RBFOX1: variants seen among roughly 807,000 people sequenced by gnomAD.
RBFOX1 encodes RNA binding protein fox-1 homolog 1.
In RBFOX1, 8 loss-of-function variants were observed where a neutral mutation model predicts 57.7. The observed-to-expected ratio is 0.14, with a 90% CI of 0.08 to 0.25. RBFOX1 has a LOEUF of 0.25. RBFOX1 is among the 10% of genes least tolerant of loss of function. The pLI is 1.00. For synonymous variants in RBFOX1, 326 were observed against 222.4 expected, an observed-to-expected ratio of 1.47 and a Z score of -4.15; for missense variants, 611 against 548.5, an observed-to-expected ratio of 1.11 and a Z score of -1.14.
chr16:7,025,754 G>C (rs899593983), intron 3 of RBFOX1, among the ~76,000 whole-genome samples: 1 of 152,084 alleles, frequency 6.6e-6, no homozygotes, highest in Non-Finnish European at 1.5e-5. Context: ...TGGGCGTCCC[G>C]GGGAATCCTA....
intron 2 of RBFOX1, among the ~76,000 whole-genome samples, chr16:5,533,986 T>C (rs758911678): frequency 2.6e-5 from 4 of 152,166 alleles, no homozygotes; most frequent in African/African-American, 9.7e-5. Context: ...TCGGAGGCTA[T>C]GTTGCCAGGG....
chr16:6,420,976 C>T lies in RBFOX1; in HGVS notation c.-64+103919C>T, dbSNP rs1236850171. 2.0e-5 allele frequency among the ~76,000 whole-genome samples: 3 copies of T among 152,196 alleles called. 1 individual carries two copies. The highest frequency in any genetic ancestry group is 1.3e-4 in the Admixed American group (2 of 15,278). On this transcript the variant is annotated intron_variant, in intron 2 of 15. Coordinates refer to ENST00000550418, the MANE Select transcript of RBFOX1 (RefSeq NM_018723.4). ...GAAGGGCTCTTTCTTCCAATGGCCC[C>T]TTGTTGCAGCGTGAACATCTCCCAT...
intron 1 of RBFOX1, among the ~76,000 whole-genome samples, chr16:6,291,966 TG>T (rs2077515073): frequency 1.3e-5 from 2 of 152,154 alleles, no homozygotes; most frequent in African/African-American, 4.8e-5. Flanking sequence ...TGTGTGTGTG[TG>T]TGTGTACATA....
chr16:7,542,096 T>C (rs1228611028), intron 5 of RBFOX1, among the ~76,000 whole-genome samples: 1 of 152,136 alleles, frequency 6.6e-6, no homozygotes, highest in East Asian at 1.9e-4. Flanking sequence ...CAGTTCCCTG[T>C]TAGGAATGGC....
intron 1 of RBFOX1, among the ~76,000 whole-genome samples, chr16:5,370,235 C>G (rs561684661): frequency 1.3e-5 from 2 of 152,296 alleles, no homozygotes; most frequent in African/African-American, 4.8e-5. Flanking sequence ...GGTGGGTCAG[C>G]TGTGTTCTTG....
chr16:5,792,664 G>A (rs1397114735), intron 3 of RBFOX1, among the ~76,000 whole-genome samples: 1 of 152,100 alleles, frequency 6.6e-6, no homozygotes, highest in East Asian at 1.9e-4. Flanking sequence ...CCAACGTGCT[G>A]AAACCCCGTC....
At chr16:6,391,487 G>A (rs1171263482) in intron 2 of RBFOX1, among the ~76,000 whole-genome samples, 2 of 147,164 alleles carry the variant, frequency 1.4e-5, no homozygotes, top group Admixed American at 1.4e-4. Flanking sequence ...TCCAGCCTGG[G>A]CAACAGAACA....
At chr16:6,265,531 G>C (rs1337493961) in intron 1 of RBFOX1, among the ~76,000 whole-genome samples, 2 of 152,080 alleles carry the variant, frequency 1.3e-5, no homozygotes, top group Non-Finnish European at 2.9e-5. Flanking sequence ...CAGAGTGCTG[G>C]GATTACAGGT....
At chr16:6,412,428 C>A (rs150528495) in intron 2 of RBFOX1, among the ~76,000 whole-genome samples, 3 of 152,128 alleles carry the variant, frequency 2.0e-5, no homozygotes, top group African/African-American at 4.8e-5. Context: ...TAGAGGATGC[C>A]TGTTTGTTCA....
intron 1 of RBFOX1, among the ~76,000 whole-genome samples, chr16:5,313,453 A>T (rs1269441749): frequency 6.6e-6 from 1 of 152,178 alleles, no homozygotes; most frequent in Non-Finnish European, 1.5e-5. Flanking sequence ...AACAAACAGG[A>T]TCATCTACAT....
intron 4 of RBFOX1, among the ~76,000 whole-genome samples, chr16:7,271,317 C>T (rs1267060242): frequency 6.6e-6 from 1 of 151,664 alleles, no homozygotes; most frequent in African/African-American, 2.4e-5. Flanking sequence ...AAAGACGGGC[C>T]TGGGTTGCAA....
intron 1 of RBFOX1, among the ~76,000 whole-genome samples, chr16:6,121,544 G>A (rs1293149399): frequency 6.6e-6 from 1 of 152,164 alleles, no homozygotes; most frequent in African/African-American, 2.4e-5. Flanking sequence ...TTTTTGCTGT[G>A]TCTGACTGTG....
At chr16:7,282,755 C>A (rs1232995173) in intron 4 of RBFOX1, among the ~76,000 whole-genome samples, 2 of 152,168 alleles carry the variant, frequency 1.3e-5, no homozygotes, top group African/African-American at 4.8e-5. Flanking sequence ...CCCTGAGTCC[C>A]CAAAGTCCAC....
intron 3 of RBFOX1, among the ~76,000 whole-genome samples, chr16:5,796,859 A>G (rs974694011): frequency 1.3e-5 from 2 of 152,156 alleles, no homozygotes; most frequent in African/African-American, 4.8e-5. Flanking sequence ...TGGCCCTCAC[A>G]TCATTCATCA....
intron 3 of RBFOX1, among the ~76,000 whole-genome samples, chr16:6,957,849 C>T (rs1021178385): frequency 6.6e-5 from 10 of 152,186 alleles, no homozygotes; most frequent in African/African-American, 2.2e-4. Context: ...GCCTGGACTT[C>T]CTCCTAGCGT....
intron 3 of RBFOX1, among the ~76,000 whole-genome samples, chr16:5,715,490 AC>A (rs1316696868): frequency 6.6e-6 from 1 of 152,038 alleles, no homozygotes; most frequent in Non-Finnish European, 1.5e-5. Flanking sequence ...CATCATGAAA[AC>A]TCTTAAGATG....
At chr16:7,484,565 C>G (rs987177421) in intron 4 of RBFOX1, among the ~76,000 whole-genome samples, 2 of 152,176 alleles carry the variant, frequency 1.3e-5, no homozygotes, top group African/African-American at 4.8e-5. Context: ...TGAGTTCAAG[C>G]AATTCTCCTA....
chr16:6,300,564 G>C (rs996104661), intron 1 of RBFOX1, among the ~76,000 whole-genome samples: 1 of 152,160 alleles, frequency 6.6e-6, no homozygotes, highest in Non-Finnish European at 1.5e-5. Flanking sequence ...CATTAAATTC[G>C]TACTGTTGTT....
chr16:5,424,875 T>C (rs201508909), intron 1 of RBFOX1, among the ~76,000 whole-genome samples: 3,452 of 76,748 alleles, frequency 0.045, 191 homozygotes, highest in African/African-American at 0.085. Context: ...TCTTTCTTTT[T>C]TTTCTTTCTT....
Sources: allele counts gnomAD v4.1 joint callset (sites outside exome capture counted in the v4.1 genomes callset), GRCh38; gene constraint gnomAD v4.1.1; transcripts MANE v1.5; gene names NCBI Gene and HGNC (gene_info 2026-07-23, HGNC 2026-07-21).